Variants in SFI1 observed in about 807,000 individuals in gnomAD.
SFI1 encodes SFI1 centrin binding protein.
SFI1 carries 195 observed loss-of-function variants against 207.5 expected under a neutral mutation model. That is an observed-to-expected ratio of 0.94 (90% CI 0.84 to 1.06). The LOEUF (loss-of-function observed/expected upper bound fraction) is 1.06. SFI1 is among the 50% of genes least tolerant of loss of function. The pLI, the probability that SFI1 is intolerant of heterozygous loss-of-function variation, is 0.00. For missense variants in SFI1, 1,634 were observed against 1,588.0 expected (o/e 1.03, Z -0.49); for synonymous variants, 630 against 598.9 (o/e 1.05, Z -0.76).
intron 4 of SFI1, among the ~76,000 whole-genome samples, chr22:31,531,750 G>A (rs904227139): frequency 6.6e-6 from 1 of 152,090 alleles, no homozygotes; most frequent in Non-Finnish European, 1.5e-5. Flanking sequence ...AAAATTAGCC[G>A]GACGTGGTGG....
chr22:31,596,598 C>G (rs1440548882), intron 15 of SFI1, among the ~76,000 whole-genome samples: 3 of 151,986 alleles, frequency 2.0e-5, no homozygotes, highest in South Asian at 2.1e-4. Flanking sequence ...GGAGACCAGT[C>G]TGACCAACAT....
chr22:31,582,290 C>T (rs1359536401), intron 12 of SFI1, among the ~76,000 whole-genome samples: 1 of 121,544 alleles, frequency 8.2e-6, no homozygotes, highest in African/African-American at 3.2e-5. Context: ...CGCTCTCGCC[C>T]AGGCTGGAGT....
chr22:31,602,676 C>T lies in SFI1; in HGVS notation c.1696C>T (p.Arg566Cys), dbSNP rs779234717. The T allele has an allele frequency of 6.2e-6, 10 of 1,614,202 alleles. No homozygotes were observed. Among genetic ancestry groups the T allele is most frequent in the South Asian group, 3.3e-5 (3 of 91,088 alleles). Reference sequence around the variant, plus strand: ...CATGTGGCACCAGCAGGCAGCAGCACGTCACCAGGAGCAGGAGTGGCAAAC... The same window carrying T: ...CATGTGGCACCAGCAGGCAGCAGCATGTCACCAGGAGCAGGAGTGGCAAAC... ...WFMWHQQAAA[R>C]HQEQEWQTVA... is the part of the protein sequence containing the mutation. Residue 566 changes from arginine to cysteine, a missense_variant, in exon 17 of 33, where the codon CGT becomes TGT. Coordinates refer to ENST00000400288, the MANE Select transcript of SFI1 (RefSeq NM_001007467.3).
At chr22:31,511,956 G>A (rs549763983) in intron 2 of SFI1, among the ~76,000 whole-genome samples, 1 of 152,208 alleles carries the variant, frequency 6.6e-6, no homozygotes, top group East Asian at 1.9e-4. Context: ...CCCAGCCTTA[G>A]GTGTTAAATT....
chr22:31,522,975 T>C (rs1251139602), intron 2 of SFI1, among the ~76,000 whole-genome samples: 1 of 152,214 alleles, frequency 6.6e-6, no homozygotes, highest in East Asian at 1.9e-4. Context: ...TATAGCTCTA[T>C]AATATTCCAT....
intron 15 of SFI1, among the ~76,000 whole-genome samples, chr22:31,590,764 A>C (rs2065751555): frequency 6.6e-6 from 1 of 150,564 alleles, no homozygotes; most frequent in Non-Finnish European, 1.5e-5. Context: ...GGGCCTCCCA[A>C]AGTGCTGGGA....
chr22:31,526,915 G>C (rs937415980), intron 2 of SFI1, among the ~76,000 whole-genome samples: 1 of 150,576 alleles, frequency 6.6e-6, no homozygotes, highest in Non-Finnish European at 1.5e-5. Context: ...CTTTCTTCCT[G>C]TCCTGTCTTG....
At chr22:31,521,925 G>T (rs1358015288) in intron 2 of SFI1, among the ~76,000 whole-genome samples, 6 of 151,604 alleles carry the variant, frequency 4.0e-5, no homozygotes. Flanking sequence ...CACCATGCTT[G>T]GCTAACTTTT....
At chr22:31,499,996 A>AAC (rs556745514) in intron 1 of SFI1, among the ~76,000 whole-genome samples, 98 of 150,724 alleles carry the variant, frequency 6.5e-4, no homozygotes, top group Non-Finnish European at 1.3e-3. Flanking sequence ...AAAAAAAAAA[A>AAC]AAAAAAACAT....
intron 21 of SFI1, 165 bp from the exon 22 acceptor site, chr22:31,607,772 T>G: frequency 3.6e-6 from 2 of 556,540 alleles, no homozygotes; most frequent in Non-Finnish European, 6.5e-6. Context: ...CCCTGTCCTA[T>G]TGCTCAGTGG....
rs1349383606 is a variant in SFI1, at chr22:31,606,363, C to T, written c.2090C>T (p.Ala697Val). 1 of 1,613,848 alleles carries T rather than the reference C, an allele frequency of 6.2e-7. No individual in the cohort carries two copies. Among genetic ancestry groups the T allele is most frequent in the Admixed American group, 1.7e-5 (1 of 60,014 alleles). ...ALRRWKENTM[A>V]RVDEAKKTFQ... is the part of the protein sequence containing the mutation. ...CGTCGCTGGAAAGAGAACACCATGG[C>T]CCGAGTGGATGAAGCCAAAAAAACC... The change falls in exon 21 of 33, where the codon GCC becomes GTC. Residue 697 changes from alanine to valine, a missense_variant. Physicochemically the swap from Ala to Val is moderately conservative, Grantham distance 64. Coordinates refer to ENST00000400288, the MANE Select transcript of SFI1 (RefSeq NM_001007467.3).
intron 1 of SFI1, among the ~76,000 whole-genome samples, chr22:31,498,557 A>T (rs369153391): frequency 6.6e-6 from 1 of 151,620 alleles, no homozygotes; most frequent in Non-Finnish European, 1.5e-5. Context: ...AGGCTGAGGC[A>T]TGAGAATTGC....
At chr22:31,526,357 A>G (rs1569216677) in intron 2 of SFI1, among the ~76,000 whole-genome samples, 1 of 152,194 alleles carries the variant, frequency 6.6e-6, no homozygotes, top group Non-Finnish European at 1.5e-5. Context: ...GGCAGGAAAG[A>G]AAGTGCAGGG....
At chr22:31,542,320 A>G (rs905053934) in intron 4 of SFI1, among the ~76,000 whole-genome samples, 9 of 151,812 alleles carry the variant, frequency 5.9e-5, no homozygotes, top group African/African-American at 1.7e-4. Flanking sequence ...ATTCCAACAT[A>G]TGGGTGCTAT....
intron 8 of SFI1, among the ~76,000 whole-genome samples, chr22:31,562,437 C>CAAA (rs528463423): frequency 0.058 from 5,766 of 99,848 alleles, 113 homozygotes; most frequent in Non-Finnish European, 0.067. Context: ...GGCCCTGTCT[C>CAAA]AAAAAAAAAA....
intron 6 of SFI1, among the ~76,000 whole-genome samples, chr22:31,556,658 C>T (rs1218258983): frequency 6.6e-6 from 1 of 152,160 alleles, no homozygotes; most frequent in Admixed American, 6.6e-5. Context: ...CTAAAAATTG[C>T]AGAGTATATC....
intron 8 of SFI1, 30 bp downstream of exon 8, chr22:31,561,422 C>T (rs903905209): frequency 1.3e-6 from 2 of 1,587,542 alleles, no homozygotes; most frequent in South Asian, 1.1e-5. Flanking sequence ...GATTTGGCAT[C>T]CTCTGTCAGT....
Position 31,617,713 on chromosome 22 carries a change from T to TC in SFI1, c.3513-400dup, listed in dbSNP as rs1332908606. On this transcript the variant is annotated intron_variant, in intron 31 of 32. Coordinates refer to ENST00000400288, the MANE Select transcript of SFI1 (RefSeq NM_001007467.3). Reference sequence around the variant, plus strand: ...TCCAGCCTGGGCAACACAGCAACACTCCATCTCAAAAAAAAAAAAAAATGC... The same window carrying TC: ...TCCAGCCTGGGCAACACAGCAACACTCCCATCTCAAAAAAAAAAAAAAATGC... Among the ~76,000 whole-genome samples, 6 of 139,672 alleles carry TC rather than the reference T, an allele frequency of 4.3e-5. 1 individual carries two copies. The highest frequency in any genetic ancestry group is 8.2e-5 in the African/African-American group (3 of 36,758). 91.6% of individuals were successfully genotyped at this position (139,672 alleles called of 152,430 possible).
At chr22:31,499,696 A>G (rs2053383906) in intron 1 of SFI1, among the ~76,000 whole-genome samples, 1 of 152,170 alleles carries the variant, frequency 6.6e-6, no homozygotes, top group Non-Finnish European at 1.5e-5. Flanking sequence ...GAGTCCATCG[A>G]TGTGACACAC....
Sources: gnomAD v4.1 joint callset for allele counts (sites outside exome capture counted in the v4.1 genomes callset) on GRCh38, gnomAD v4.1.1 for gene constraint, MANE v1.5 for transcripts, NCBI Gene and HGNC (gene_info 2026-07-23, HGNC 2026-07-21) for gene names.